TSBP1: variants seen among roughly 807,000 people sequenced by gnomAD.
TSBP1 encodes testis-expressed basic protein 1.
TSBP1 carries 56 observed loss-of-function variants against 68.8 expected under a neutral mutation model. The ratio of observed to expected loss-of-function variants is 0.81; its 90% CI spans 0.66 to 1.02. TSBP1 has a LOEUF of 1.02. Among genes scored for constraint, TSBP1 ranks in the 50% least tolerant of loss-of-function variants. The pLI, the probability that TSBP1 is intolerant of heterozygous loss-of-function variation, is 0.00. For missense variants in TSBP1, 502 were observed against 641.2 expected (o/e 0.78, Z 2.34); for synonymous variants, 171 against 208.7 (o/e 0.82, Z 1.56).
chr6:32,299,447 A>G (rs114095478), intron 22 of TSBP1, among the ~76,000 whole-genome samples: 7,015 of 152,294 alleles, frequency 0.046, 363 homozygotes, highest in African/African-American at 0.13. Context: ...AACTAAAAAA[A>G]AGTTCTAAAT....
intron 6 of TSBP1, among the ~76,000 whole-genome samples, chr6:32,360,198 C>T (rs1772838351): frequency 6.6e-6 from 1 of 152,076 alleles, no homozygotes; most frequent in African/African-American, 2.4e-5. Flanking sequence ...CTTCCACCCC[C>T]TAACTTCTGG....
At chr6:32,293,149 C>T in exon 23 of TSBP1, 1 of 1,593,990 alleles carries the variant, frequency 6.3e-7, no homozygotes, top group East Asian at 2.2e-5. Flanking sequence ...TTGGATCTTT[C>T]TCTGCATCTC....
intron 18 of TSBP1, among the ~76,000 whole-genome samples, chr6:32,317,764 C>T (rs1018847720): frequency 6.6e-6 from 1 of 152,190 alleles, no homozygotes; most frequent in African/African-American, 2.4e-5. Flanking sequence ...GATACCATCT[C>T]ACACCAGGCA....
chr6:32,368,604 G>A (rs1774027706), intron 3 of TSBP1, among the ~76,000 whole-genome samples, 178 bp downstream of exon 3: 2 of 152,178 alleles, frequency 1.3e-5, no homozygotes, highest in Non-Finnish European at 2.9e-5. Flanking sequence ...TTGGCATTCA[G>A]TACTGCTCAG....
rs547261 is a variant in TSBP1, at chr6:32,314,256, G to A, written c.580+1516C>T. Among the ~76,000 whole-genome samples the A allele has an allele frequency of 0.34, 50,943 of 151,982 alleles. 9,648 individuals are homozygous for A. The highest frequency in any genetic ancestry group is 0.52 in the Middle Eastern group (151 of 292). ...AGGTGTTATAAACCCTAGTTACTTT[G>A]GCATTCCTTTTTTCTTTCTCCCTAC... On this transcript the variant is annotated intron_variant, in intron 19 of 22. Coordinates refer to ENST00000612031, the Ensembl canonical transcript of TSBP1. This position sits in a 1 kb window ranked among gnomAD's most constrained non-coding sequence, Gnocchi z 4.2.
Position 32,292,942 on chromosome 6 carries a change from A to C in TSBP1, c.*39T>G, listed in dbSNP as rs1764295092. 1 of 1,239,200 alleles carries C rather than the reference A, an allele frequency of 8.1e-7. No homozygotes were observed. The highest frequency in any genetic ancestry group is 1.5e-5 in the African/African-American group (1 of 66,388). The allele number at this position is 1,239,200 out of a possible 1,614,324, so 76.8% of individuals were successfully genotyped here. On this transcript the variant is annotated 3_prime_UTR_variant, in exon 23 of 23. Transcript: ENST00000612031. This position sits in a 1 kb window ranked among gnomAD's most constrained non-coding sequence, Gnocchi z 4.1. ...TTTGTATCTGGAGTATGGGAATCAT[A>C]ATAATCACTTGTCTTATGGGCCTTT... is the stretch of plus-strand genomic sequence containing the variant.
At chr6:32,358,052 A>G (rs2127643253) in intron 6 of TSBP1, among the ~76,000 whole-genome samples, 1 of 152,290 alleles carries the variant, frequency 6.6e-6, no homozygotes, top group South Asian at 2.1e-4. Context: ...ATTTTTGGGT[A>G]GCTCACCTTT....
At chr6:32,320,964 G>T (rs552456061) in intron 18 of TSBP1, among the ~76,000 whole-genome samples, 6 of 152,152 alleles carry the variant, frequency 3.9e-5, no homozygotes, top group African/African-American at 1.4e-4. Flanking sequence ...GCATTAGTTT[G>T]CTAGGGGTAA....
chr6:32,296,249 T>A lies in TSBP1; in HGVS notation c.638-2214A>T, dbSNP rs561100553. Among the ~76,000 whole-genome samples, 4 of 147,808 alleles carry A rather than the reference T, an allele frequency of 2.7e-5. No individual in the cohort carries two copies. In the South Asian group the frequency reaches 8.4e-4, roughly 31 times the overall value. ...TGGCATACACATAACTTCAGAATTT[T>A]ATCAATTATAAAAATGAGGCACACC... On this transcript the variant is annotated intron_variant, in intron 22 of 22. Coordinates refer to ENST00000612031, the Ensembl canonical transcript of TSBP1.
intron 4 of TSBP1, 197 bp from the exon 5 acceptor site, chr6:32,366,499 C>T (rs1583188116): frequency 1.6e-6 from 1 of 624,866 alleles, no homozygotes; most frequent in Non-Finnish European, 2.8e-6. Context: ...CGTGGTGGCT[C>T]ACGCCTATGT....
At chr6:32,370,380 C>T (rs1442248689) in intron 1 of TSBP1, among the ~76,000 whole-genome samples, 2 of 144,246 alleles carry the variant, frequency 1.4e-5, no homozygotes, top group Non-Finnish European at 3.0e-5. Context: ...AATTTTAACT[C>T]ATACCTTTAA....
chr6:32,308,597 C>CAAAAAAAAA (rs9279570), intron 19 of TSBP1, among the ~76,000 whole-genome samples: 206 of 108,316 alleles, frequency 1.9e-3, no homozygotes, highest in African/African-American at 7.4e-3. Flanking sequence ...GACTCCGTCT[C>CAAAAAAAAA]AAAAAAAAAA....
exon 23 of TSBP1, chr6:32,293,647 C>T (rs541720018): frequency 6.2e-7 from 1 of 1,613,076 alleles, no homozygotes; most frequent in East Asian, 2.2e-5. Context: ...GGACACCTGA[C>T]TCACTCTTCT....
At chr6:32,334,370 AC>A (rs1769403611) in intron 14 of TSBP1, among the ~76,000 whole-genome samples, 1 of 151,930 alleles carries the variant, frequency 6.6e-6, no homozygotes, top group South Asian at 2.1e-4. Flanking sequence ...GGCCTTTACT[AC>A]CCTTTAATCT....
intron 9 of TSBP1, among the ~76,000 whole-genome samples, chr6:32,344,968 A>G (rs1770825303): frequency 6.6e-6 from 1 of 151,942 alleles, no homozygotes; most frequent in South Asian, 2.1e-4. Context: ...TGATCCTCCC[A>G]ACTCAGCCTC....
At chr6:32,368,433 C>T (rs1026176807) in intron 3 of TSBP1, among the ~76,000 whole-genome samples, 4 of 152,164 alleles carry the variant, frequency 2.6e-5, no homozygotes, top group Non-Finnish European at 4.4e-5. Context: ...TCACTAAGGC[C>T]ATCTTCATGA....
chr6:32,345,154 C>A (rs186914886), intron 9 of TSBP1, among the ~76,000 whole-genome samples: 1 of 151,058 alleles, frequency 6.6e-6, no homozygotes, highest in African/African-American at 2.4e-5. Context: ...CATGCTTGGC[C>A]CTTAGTCTTT....
chr6:32,308,948 T>G (rs1766074881), intron 19 of TSBP1, among the ~76,000 whole-genome samples: 1 of 136,572 alleles, frequency 7.3e-6, no homozygotes, highest in Non-Finnish European at 1.5e-5. Context: ...TCTCCTTCTT[T>G]TCTTCCTGCT....
At chr6:32,344,221 G>A (rs1770700257) in intron 9 of TSBP1, among the ~76,000 whole-genome samples, 2 of 148,904 alleles carry the variant, frequency 1.3e-5, no homozygotes, top group Non-Finnish European at 3.0e-5. Context: ...TCGTCATTTA[G>A]CATTAGGTAT....
Sources: gnomAD v4.1 joint callset for allele counts (sites outside exome capture counted in the v4.1 genomes callset) on GRCh38, gnomAD v4.1.1 for gene constraint, Gnocchi (gnomAD v3.1) non-coding constraint, MANE v1.5 for transcripts, NCBI Gene and HGNC (gene_info 2026-07-23, HGNC 2026-07-21) for gene names.